Variants in TRPM8 observed in about 807,000 individuals in gnomAD.
TRPM8 encodes the protein TRPM8 cationic channel.
In TRPM8, 110 loss-of-function variants were observed where a neutral mutation model predicts 133.7. That is an observed-to-expected ratio of 0.82 (90% CI 0.70 to 0.96). The LOEUF (loss-of-function observed/expected upper bound fraction) is 0.96. Ranked by LOEUF, TRPM8 falls within the 40% of genes least tolerant of loss-of-function variation. The probability of loss-of-function intolerance (pLI) is 0.00; values close to 1 mark genes in which losing one functional copy is unlikely to be tolerated. For synonymous variants in TRPM8, 535 were observed against 532.3 expected (o/e 1.01, Z -0.07); for missense variants, 1,291 against 1,379.5 (o/e 0.94, Z 1.02).
chr2:233,971,756 C>T (rs1019784050), intron 17 of TRPM8, among the ~76,000 whole-genome samples: 1 of 152,072 alleles, frequency 6.6e-6, no homozygotes, highest in Non-Finnish European at 1.5e-5. Flanking sequence ...AGTGTTACAG[C>T]TCATAAAAGC....
chr2:233,939,178 G>T lies in TRPM8; in HGVS notation c.526+3G>T. The T allele has an allele frequency of 6.2e-7, 1 of 1,613,260 alleles. No individual in the cohort carries two copies. Among genetic ancestry groups the T allele is most frequent in the East Asian group, 2.2e-5 (1 of 44,854 alleles). ...CATCTACATCGCGCAGTCCAAAGGT[G>T]AGGGTGGGAGCAGCGACCGCGGGTT... is the stretch of plus-strand genomic sequence containing the variant. On this transcript the variant is annotated splice_donor_region_variant and intron_variant, in intron 5 of 25. Coordinates refer to ENST00000324695, the MANE Select transcript of TRPM8 (RefSeq NM_024080.5).
chr2:234,015,847 A>G (rs1692944273), intron 25 of TRPM8, among the ~76,000 whole-genome samples: 1 of 152,230 alleles, frequency 6.6e-6, no homozygotes, highest in Non-Finnish European at 1.5e-5. Flanking sequence ...CTTATAATAA[A>G]TTACAATTTG....
intron 21 of TRPM8, among the ~76,000 whole-genome samples, chr2:233,991,402 G>A (rs1002979710): frequency 8.5e-5 from 13 of 152,238 alleles, no homozygotes; most frequent in South Asian, 6.2e-4. Flanking sequence ...GAATGAGAGG[G>A]GAACCAGGAT....
intron 17 of TRPM8, among the ~76,000 whole-genome samples, chr2:233,979,958 G>T (rs1190355638): frequency 6.6e-6 from 1 of 152,094 alleles, no homozygotes. Flanking sequence ...CCTTTTTCCT[G>T]ACTTTGCCAG....
intron 3 of TRPM8, among the ~76,000 whole-genome samples, chr2:233,933,511 C>A (rs547424659): frequency 2.0e-5 from 3 of 152,226 alleles, no homozygotes; most frequent in Admixed American, 6.5e-5. Context: ...CATCCTTATT[C>A]CTCCTTCAGG....
Position 233,984,472 on chromosome 2 carries a change from G to T in TRPM8, c.2762-1216G>T, listed in dbSNP as rs369952742. On this transcript the variant is annotated intron_variant, in intron 20 of 25. Transcript: ENST00000324695. ...CACCGTCCACACAGTTGTGTGAACAGAGCTGTCAGAAGCCTCATTGTTGTC... is the reference window on the plus strand; with the variant it reads ...CACCGTCCACACAGTTGTGTGAACATAGCTGTCAGAAGCCTCATTGTTGTC... Among the ~76,000 whole-genome samples, 186 of 152,348 alleles carry T rather than the reference G, an allele frequency of 1.2e-3. 2 individuals carry two copies. Among genetic ancestry groups the T allele is most frequent in the African/African-American group, 4.4e-3 (183 of 41,584 alleles).
chr2:233,920,868 T>C (rs1002210783), intron 1 of TRPM8, among the ~76,000 whole-genome samples: 4 of 151,444 alleles, frequency 2.6e-5, no homozygotes, highest in African/African-American at 7.3e-5. Flanking sequence ...TTTTTTTTTT[T>C]TTTTTGAGAT....
Position 233,967,534 on chromosome 2 carries a change from T to C in TRPM8, c.2025+779T>C, listed in dbSNP as rs557518689. 4.6e-5 allele frequency among the ~76,000 whole-genome samples: 7 copies of C among 152,354 alleles called. No individual in the cohort carries two copies. The East Asian group carries it at 1.3e-3, about 29-fold the overall frequency. ...GCAGGAGCTCAGAGAGGTTCTGGAA[T>C]GTCCTTCCAGCTTGCACTGCTGTGA... is the stretch of plus-strand genomic sequence containing the variant. On this transcript the variant is annotated intron_variant, in intron 15 of 25. Coordinates refer to ENST00000324695, the MANE Select transcript of TRPM8 (RefSeq NM_024080.5).
At position 234,017,794 on chromosome 2, in the gene TRPM8, T is replaced by C. The variant is rs1021089109; in HGVS notation, c.*538T>C. On this transcript the variant is annotated 3_prime_UTR_variant, in exon 26 of 26. Transcript: ENST00000324695. Reference sequence around the variant, plus strand: ...CTGCAGCAAGAGGACCCCGCTCTCTTCAGGAAAAGTGTTTTCATTTCTCAG... The same window carrying C: ...CTGCAGCAAGAGGACCCCGCTCTCTCCAGGAAAAGTGTTTTCATTTCTCAG... 1 of 155,990 alleles carries C rather than the reference T, an allele frequency of 6.4e-6. No homozygotes were observed. The highest frequency in any genetic ancestry group is 2.4e-5 in the African/African-American group (1 of 41,476). The allele number at this position is 155,990 out of a possible 1,614,324, so 9.7% of individuals were successfully genotyped here.
At chr2:233,952,505 C>T (rs527934278) in intron 9 of TRPM8, among the ~76,000 whole-genome samples, 2 of 151,628 alleles carry the variant, frequency 1.3e-5, no homozygotes, top group East Asian at 1.9e-4. Context: ...GTGCAAAGGT[C>T]CTGAGGTGGG....
Position 233,927,851 on chromosome 2 carries a change from CCTTTCTTTCTCTTTCTT to C in TRPM8, c.117+1198_117+1214del, listed in dbSNP as rs1691581216. Among the ~76,000 whole-genome samples, 20 of 37,594 alleles carry C rather than the reference CCTTTCTTTCTCTTTCTT, an allele frequency of 5.3e-4. 1 individual carries two copies. Among genetic ancestry groups the C allele is most frequent in the Non-Finnish European group, 8.3e-4 (19 of 22,770 alleles). The allele number at this position is 37,594 out of a possible 152,430, so 24.7% of individuals were successfully genotyped here. On this transcript the variant is annotated intron_variant, in intron 2 of 25. Transcript: ENST00000324695. ...TCCTTCCTTCCTTCCTTCCTTCCTT[CCTTTCTTTCTCTTTCTT>C]TCTTTCTTTCTTTCTTTCTTTCTTT...
At chr2:233,926,766 A>C in intron 2 of TRPM8, 112 bp downstream of exon 2, 1 of 797,806 alleles carries the variant, frequency 1.3e-6, no homozygotes, top group Middle Eastern at 2.7e-4. Context: ...ATGTCTTTAA[A>C]ATTCCTTTCA....
Position 233,981,797 on chromosome 2 carries a change from CTT to C in TRPM8, c.2473_2474del (p.Leu825ValfsTer65). On this transcript the variant is annotated frameshift_variant, in exon 19 of 26. Transcript: ENST00000324695. LOFTEE classifies it high-confidence loss of function. ...AGGCTCCACTCTTCTAATAAAAGCTCTTTGTATTCTGGACGAGTCATTTTCTG... is the reference window on the plus strand; with the variant it reads ...AGGCTCCACTCTTCTAATAAAAGCTCTGTATTCTGGACGAGTCATTTTCTG... 1.2e-6 allele frequency: 2 copies of C among 1,612,578 alleles called. No individual in the cohort carries two copies.
chr2:233,945,895 A>G lies in TRPM8; in HGVS notation c.739A>G (p.Arg247Gly), dbSNP rs1394062304. 4.3e-6 allele frequency: 7 copies of G among 1,613,892 alleles called. No homozygotes were observed. Among genetic ancestry groups the G allele is most frequent in the Non-Finnish European group, 5.1e-6 (6 of 1,179,758 alleles). The change falls in exon 7 of 26, where the codon AGA (arginine) becomes GGA (glycine). Residue 247 changes from arginine (R) to glycine (G), a missense_variant. By Grantham distance (125) the Arg-to-Gly change is moderately radical. Coordinates refer to ENST00000324695, the MANE Select transcript of TRPM8 (RefSeq NM_024080.5). ...LAQYLMDDFT[R>G]DPLYILDNNH... ...CCAGTACCTTATGGATGACTTCACA[A>G]GAGATCCACTGTATATCCTGGACAA...
chr2:233,945,479 A>C (rs1159034631), intron 6 of TRPM8, among the ~76,000 whole-genome samples: 1 of 152,214 alleles, frequency 6.6e-6, no homozygotes, highest in Non-Finnish European at 1.5e-5. Context: ...CTGTATCCAG[A>C]CACACACAAA....
chr2:233,985,970 C>A, intron 21 of TRPM8, 105 bp downstream of exon 21: 1 of 1,064,186 alleles, frequency 9.4e-7, no homozygotes, highest in Non-Finnish European at 1.4e-6. Flanking sequence ...GAGGAACATA[C>A]TTTAGAGATC....
chr2:233,983,949 C>T (rs1692077494), intron 20 of TRPM8, among the ~76,000 whole-genome samples: 1 of 152,184 alleles, frequency 6.6e-6, no homozygotes, highest in Non-Finnish European at 1.5e-5. Flanking sequence ...CTGCTAAAGC[C>T]TCTTCCAAGA....
intron 2 of TRPM8, among the ~76,000 whole-genome samples, chr2:233,928,985 T>C (rs1400708345): frequency 6.6e-6 from 1 of 150,530 alleles, no homozygotes; most frequent in African/African-American, 2.5e-5. Flanking sequence ...TATTTTTTTG[T>C]GAGTTTCTTT....
At chr2:233,932,072 C>T (rs1691690671) in intron 3 of TRPM8, among the ~76,000 whole-genome samples, 1 of 152,220 alleles carries the variant, frequency 6.6e-6, no homozygotes, top group Non-Finnish European at 1.5e-5. Flanking sequence ...TTGGGCAGAA[C>T]AAATTCCTCA....
Sources: allele counts gnomAD v4.1 joint callset (sites outside exome capture counted in the v4.1 genomes callset), GRCh38; gene constraint gnomAD v4.1.1; transcripts MANE v1.5; gene names NCBI Gene and HGNC (gene_info 2026-07-23, HGNC 2026-07-21).